Variants in TTLL5 observed in about 807,000 individuals in gnomAD.
TTLL5 encodes the protein tubulin tyrosine ligase like 5.
A neutral mutation model predicts 168.4 loss-of-function variants in TTLL5; 132 were observed. The observed-to-expected ratio is 0.78, with a 90% CI of 0.68 to 0.91. The LOEUF (loss-of-function observed/expected upper bound fraction) is 0.91, where lower values mean the gene tolerates loss of function less well. Ranked by LOEUF, TTLL5 falls within the 40% of genes least tolerant of loss-of-function variation. The probability of loss-of-function intolerance (pLI) is 0.00; values close to 1 mark genes in which losing one functional copy is unlikely to be tolerated. For synonymous variants in TTLL5, 546 were observed against 558.6 expected, an observed-to-expected ratio of 0.98 and a Z score of 0.32; for missense variants, 1,545 against 1,581.5, an observed-to-expected ratio of 0.98 and a Z score of 0.39.
rs773557385 is a variant in TTLL5, at chr14:75,902,226, T to C, written c.3823+2T>C. The stretch of plus-strand genomic sequence containing the variant: ...TTGTGCCCATCACCAGCTCTACAGG[T>C]TAGTGGGCACCAGCTCTTCTGCAAC... On this transcript the variant is annotated splice_donor_variant, in intron 31 of 31. Coordinates refer to ENST00000298832, the MANE Select transcript of TTLL5 (RefSeq NM_015072.5). LOFTEE classifies it high-confidence loss of function. 3 of 1,613,958 alleles carry C rather than the reference T, an allele frequency of 1.9e-6. No individual in the cohort carries two copies. The highest frequency in any genetic ancestry group is 1.7e-6 in the Non-Finnish European group (2 of 1,179,918).
intron 21 of TTLL5, among the ~76,000 whole-genome samples, chr14:75,774,364 C>T (rs1891584959): frequency 6.6e-6 from 1 of 152,132 alleles, no homozygotes; most frequent in Non-Finnish European, 1.5e-5. Context: ...CTTGACAACC[C>T]CCAACTCTAA....
At chr14:75,779,779 A>G in intron 24 of TTLL5, 77 bp downstream of exon 24, 1 of 1,466,224 alleles carries the variant, frequency 6.8e-7, no homozygotes, top group Non-Finnish European at 9.2e-7. Flanking sequence ...AATGAGGAAT[A>G]ATGTGTTGGC....
At chr14:75,687,983 T>C (rs901380066) in intron 5 of TTLL5, among the ~76,000 whole-genome samples, 1 of 152,180 alleles carries the variant, frequency 6.6e-6, no homozygotes, top group Non-Finnish European at 1.5e-5. Context: ...CTGGCGGGAA[T>C]GCAGAGTGGT....
At chr14:75,723,027 G>A (rs571194117) in intron 12 of TTLL5, among the ~76,000 whole-genome samples, 2 of 152,152 alleles carry the variant, frequency 1.3e-5, no homozygotes, top group East Asian at 3.9e-4. Flanking sequence ...ATGTTGTCTG[G>A]TAGTCATGTG....
chr14:75,699,888 C>A (rs953899599), intron 7 of TTLL5, among the ~76,000 whole-genome samples: 1 of 151,976 alleles, frequency 6.6e-6, no homozygotes, highest in Non-Finnish European at 1.5e-5. Context: ...CCTGGACTTA[C>A]AATAGTAGTT....
At chr14:75,923,966 T>C (rs931084075) in intron 31 of TTLL5, among the ~76,000 whole-genome samples, 1 of 152,208 alleles carries the variant, frequency 6.6e-6, no homozygotes, top group African/African-American at 2.4e-5. Context: ...TGTAATGGCC[T>C]TCTTTGTCTC....
intron 6 of TTLL5, among the ~76,000 whole-genome samples, chr14:75,690,738 A>G (rs771263142): frequency 5.3e-5 from 8 of 151,168 alleles, no homozygotes; most frequent in Non-Finnish European, 1.2e-4. Flanking sequence ...TTCCTCCTCA[A>G]CCTCCCAAGT....
chr14:75,844,754 C>G (rs1043726727), intron 28 of TTLL5, among the ~76,000 whole-genome samples: 6 of 152,204 alleles, frequency 3.9e-5, no homozygotes, highest in Non-Finnish European at 1.5e-5. Flanking sequence ...CACACTCACT[C>G]ATGCCCTTTC....
At chr14:75,761,058 A>G (rs1388055395) in intron 18 of TTLL5, among the ~76,000 whole-genome samples, 1 of 152,146 alleles carries the variant, frequency 6.6e-6, no homozygotes, top group South Asian at 2.1e-4. Context: ...CATCAACCCA[A>G]TTACAAAAGG....
At chr14:75,748,921 C>T (rs1320411296) in intron 17 of TTLL5, among the ~76,000 whole-genome samples, 1 of 152,024 alleles carries the variant, frequency 6.6e-6, no homozygotes, top group Non-Finnish European at 1.5e-5. Flanking sequence ...GCATTTTGAC[C>T]TAGTTGGGAT....
intron 28 of TTLL5, among the ~76,000 whole-genome samples, chr14:75,825,728 C>T (rs368525923): frequency 7.2e-5 from 11 of 152,042 alleles, no homozygotes; most frequent in Non-Finnish European, 1.2e-4. Context: ...ACTCCTTATG[C>T]CTCTTTCTTC....
intron 26 of TTLL5, among the ~76,000 whole-genome samples, chr14:75,787,723 T>A (rs946395224): frequency 2.2e-4 from 34 of 152,206 alleles, no homozygotes; most frequent in Admixed American, 2.6e-4. Context: ...ATGATATATT[T>A]ATAAAAATCT....
intron 27 of TTLL5, among the ~76,000 whole-genome samples, chr14:75,817,881 A>G (rs1490764520): frequency 8.4e-6 from 1 of 119,758 alleles, no homozygotes; most frequent in African/African-American, 3.3e-5. Context: ...TCTGTCGCCC[A>G]GGCTGGAGTG....
chr14:75,783,623 A>C, intron 26 of TTLL5, 93 bp downstream of exon 26: 1 of 1,496,890 alleles, frequency 6.7e-7, no homozygotes, highest in Non-Finnish European at 8.9e-7. Flanking sequence ...CCTTTTTTTA[A>C]ATTTTGAAAT....
At chr14:75,766,709 T>G (rs1252901853) in intron 20 of TTLL5, among the ~76,000 whole-genome samples, 1 of 152,040 alleles carries the variant, frequency 6.6e-6, no homozygotes, top group Admixed American at 6.6e-5. Context: ...ATGAACAAAG[T>G]GGTCTTAGGA....
intron 9 of TTLL5, among the ~76,000 whole-genome samples, chr14:75,717,650 C>T (rs1176231534): frequency 1.3e-5 from 2 of 152,076 alleles, no homozygotes; most frequent in Non-Finnish European, 2.9e-5. Flanking sequence ...AACTTGGATA[C>T]GATATTATCT....
intron 2 of TTLL5, among the ~76,000 whole-genome samples, chr14:75,666,381 A>C (rs1051917375): frequency 1.4e-4 from 21 of 152,228 alleles, no homozygotes; most frequent in Admixed American, 1.4e-3. Flanking sequence ...AAATGTAAAG[A>C]GGCTGTTTTT....
intron 7 of TTLL5, among the ~76,000 whole-genome samples, chr14:75,700,354 T>C (rs1275095860): frequency 6.6e-6 from 1 of 151,980 alleles, no homozygotes; most frequent in Non-Finnish European, 1.5e-5. Flanking sequence ...ATCTCAGGAG[T>C]TGGGCGAGTA....
At chr14:75,950,629 AT>A (rs2034932365) in intron 31 of TTLL5, among the ~76,000 whole-genome samples, 1 of 152,190 alleles carries the variant, frequency 6.6e-6, no homozygotes, top group Non-Finnish European at 1.5e-5. Flanking sequence ...GAAGTGTATT[AT>A]ACTGTTTTAT....
Sources: gnomAD v4.1 joint callset for allele counts (sites outside exome capture counted in the v4.1 genomes callset) on GRCh38, gnomAD v4.1.1 for gene constraint, MANE v1.5 for transcripts, NCBI Gene and HGNC (gene_info 2026-07-23, HGNC 2026-07-21) for gene names.